LAMA2: variants seen among roughly 807,000 people sequenced by gnomAD.
LAMA2 encodes laminin subunit alpha-2.
In LAMA2, 269 loss-of-function variants were observed where a neutral mutation model predicts 364.8. That is an observed-to-expected ratio of 0.74 (90% CI 0.67 to 0.82). LAMA2 has a LOEUF of 0.82. Among genes scored for constraint, LAMA2 ranks in the 40% least tolerant of loss-of-function variants. The pLI, the probability that LAMA2 is intolerant of heterozygous loss-of-function variation, is 0.00. For missense variants in LAMA2, 3,807 were observed against 3,873.2 expected (o/e 0.98, Z 0.45); for synonymous variants, 1,379 against 1,370.6 (o/e 1.01, Z -0.14).
intron 1 of LAMA2, among the ~76,000 whole-genome samples, chr6:128,962,185 T>TATACATACACACACACAC (rs1214826895): frequency 1.9e-5 from 2 of 103,918 alleles, no homozygotes; most frequent in African/African-American, 7.4e-5. Context: ...TATATATATA[T>TATACATACACACACACAC]ACACACATAC....
intron 3 of LAMA2, among the ~76,000 whole-genome samples, chr6:129,089,842 C>T (rs529499600): frequency 6.6e-6 from 1 of 152,256 alleles, no homozygotes; most frequent in African/African-American, 2.4e-5. Flanking sequence ...TCTGCTCACT[C>T]GTGTTACTCG....
chr6:128,996,269 G>A (rs1234409062), intron 1 of LAMA2, among the ~76,000 whole-genome samples: 1 of 152,082 alleles, frequency 6.6e-6, no homozygotes, highest in East Asian at 1.9e-4. Context: ...TGGGGCAGAG[G>A]GAGGGAAATG....
In LAMA2 at chr6:129,440,956, G is replaced by A. The variant is rs767444868; in HGVS notation, c.6226G>A (p.Val2076Ile). ...KKNYNKLADSVAKTNAVVKDP... is the reference protein window; with the variant it reads ...KKNYNKLADSIAKTNAVVKDP... ...GAATTACAATAAACTAGCAGACAGC[G>A]TCGCCAAAACGAATGCTGTGGTTAA... Residue 2076 changes from valine (V) to isoleucine (I), a missense_variant, in exon 43 of 65, where the codon GTC (valine) becomes ATC (isoleucine). Val to Ile is a conservative substitution (Grantham distance 29). Transcript: ENST00000421865. 2.0e-5 allele frequency: 32 copies of A among 1,613,764 alleles called. No homozygotes were observed. In the East Asian group the frequency reaches 2.2e-4, roughly 11 times the overall value.
intron 34 of LAMA2, among the ~76,000 whole-genome samples, chr6:129,381,938 A>G (rs1178368392): frequency 6.6e-6 from 1 of 152,164 alleles, no homozygotes; most frequent in African/African-American, 2.4e-5. Context: ...AACTTTCATA[A>G]ATTAAACCTC....
rs538589718 is a variant in LAMA2, at chr6:129,252,556, A to G, written c.2096+261A>G. 2.4e-4 allele frequency among the ~76,000 whole-genome samples: 36 copies of G among 152,312 alleles called. No homozygotes were observed. The South Asian group carries it at 7.5e-3, about 32-fold the overall frequency. On this transcript the variant is annotated intron_variant, in intron 14 of 64. Transcript: ENST00000421865. The stretch of plus-strand genomic sequence containing the variant: ...GAACATGTGATCAATAACGATTCCT[A>G]TATTGAGAAATGTTATATTGGAAAA...
intron 3 of LAMA2, among the ~76,000 whole-genome samples, chr6:129,062,232 G>A (rs937872975): frequency 6.6e-6 from 1 of 152,096 alleles, no homozygotes; most frequent in African/African-American, 2.4e-5. Flanking sequence ...CAATAATCCT[G>A]AATAAACCAG....
chr6:129,256,383 G>A (rs1786661861), intron 14 of LAMA2, among the ~76,000 whole-genome samples: 1 of 152,104 alleles, frequency 6.6e-6, no homozygotes, highest in Non-Finnish European at 1.5e-5. Context: ...ATAGTAGACA[G>A]TAAGTAGTAA....
At chr6:129,134,119 G>A (rs1004232421) in intron 4 of LAMA2, among the ~76,000 whole-genome samples, 3 of 152,310 alleles carry the variant, frequency 2.0e-5, no homozygotes, top group Middle Eastern at 3.4e-3. Flanking sequence ...CCTTTGAGCT[G>A]CTGTTATCTG....
At chr6:128,911,180 C>A (rs564388991) in intron 1 of LAMA2, among the ~76,000 whole-genome samples, 2 of 151,966 alleles carry the variant, frequency 1.3e-5, no homozygotes, top group East Asian at 1.9e-4. Context: ...TCGAGCTTCC[C>A]GGCTGCTTTG....
chr6:129,014,843 A>G lies in LAMA2; in HGVS notation c.113-35075A>G, dbSNP rs150243286. Among the ~76,000 whole-genome samples the G allele has an allele frequency of 2.0e-3, 302 of 152,190 alleles. 3 individuals are homozygous for G. Among genetic ancestry groups the G allele is most frequent in the East Asian group, 0.015 (79 of 5,188 alleles). On this transcript the variant is annotated intron_variant, in intron 1 of 64. Transcript: ENST00000421865. Reference sequence around the variant, plus strand: ...AAGGATATAAAATCTAATAGAGTGGATAACATGATTATAATAAAGATATAA... The same window carrying G: ...AAGGATATAAAATCTAATAGAGTGGGTAACATGATTATAATAAAGATATAA...
intron 8 of LAMA2, among the ~76,000 whole-genome samples, chr6:129,160,791 TTTCTC>T (rs1370278692): frequency 6.6e-6 from 1 of 151,900 alleles, no homozygotes; most frequent in East Asian, 1.9e-4. Flanking sequence ...TAACTTCTAA[TTTCTC>T]TTGTGATTTA....
Position 129,177,817 on chromosome 6 carries a change from G to A in LAMA2, c.1418G>A (p.Gly473Glu), listed in dbSNP as rs1230234678. ...YPDCKACNCS[G>E]LGSKNEDPCF... is the part of the protein sequence containing the mutation. Reference sequence around the variant, plus strand: ...GACTGCAAAGCCTGTAACTGCAGTGGGTTAGGGAGCAAAAATGAGGATCCT... The same window carrying A: ...GACTGCAAAGCCTGTAACTGCAGTGAGTTAGGGAGCAAAAATGAGGATCCT... Residue 473 changes from glycine (G) to glutamate (E), a missense_variant, in exon 10 of 65, where the codon GGG becomes GAG. Physicochemically the swap from Gly to Glu is moderately conservative, Grantham distance 98 (BLOSUM62 -2). Transcript: ENST00000421865. 6.2e-7 allele frequency: 1 copy of A among 1,613,986 alleles called. No individual in the cohort carries two copies. The highest frequency in any genetic ancestry group is 1.3e-5 in the African/African-American group (1 of 75,056).
chr6:129,129,434 C>T (rs987291755), intron 4 of LAMA2, among the ~76,000 whole-genome samples: 4 of 152,168 alleles, frequency 2.6e-5, no homozygotes, highest in Admixed American at 2.0e-4. Flanking sequence ...TCTGTACATA[C>T]AGATTGTACA....
intron 40 of LAMA2, among the ~76,000 whole-genome samples, chr6:129,420,037 G>A (rs1164146237): frequency 6.6e-6 from 1 of 151,808 alleles, no homozygotes; most frequent in East Asian, 1.9e-4. Flanking sequence ...TAGAAAATAG[G>A]AAATACAGAA....
intron 62 of LAMA2, among the ~76,000 whole-genome samples, chr6:129,510,042 T>C (rs535077870): frequency 6.6e-6 from 1 of 152,120 alleles, no homozygotes; most frequent in East Asian, 1.9e-4. Context: ...TTTATTGTAC[T>C]TTCCTCTAAG....
chr6:129,076,451 T>A (rs1168659662), intron 3 of LAMA2, among the ~76,000 whole-genome samples: 1 of 141,962 alleles, frequency 7.0e-6, no homozygotes, highest in Non-Finnish European at 1.5e-5. Context: ...TATAATATAT[T>A]ATATATAATA....
At chr6:129,253,056 G>A (rs913836914) in intron 14 of LAMA2, among the ~76,000 whole-genome samples, 1 of 152,036 alleles carries the variant, frequency 6.6e-6, no homozygotes, top group Non-Finnish European at 1.5e-5. Flanking sequence ...TTAAAAGAGT[G>A]AACTACCTGA....
rs576517907 is a variant in LAMA2 at position 129,145,437 on chromosome 6, G to A, written c.819+1357G>A. On this transcript the variant is annotated intron_variant, in intron 5 of 64. Transcript: ENST00000421865. ...ATGCAAAACTAATCATTATTTTATA[G>A]CAATGTTTGGATTTTTCACTTGTTT... is the stretch of plus-strand genomic sequence containing the variant. Among the ~76,000 whole-genome samples the A allele has an allele frequency of 2.8e-3, 425 of 151,994 alleles. 2 individuals carry two copies. Among genetic ancestry groups the A allele is most frequent in the African/African-American group, 0.01 (417 of 41,482 alleles).
chr6:129,350,653 C>T (rs1480876017), intron 31 of LAMA2, among the ~76,000 whole-genome samples: 1 of 152,198 alleles, frequency 6.6e-6, no homozygotes, highest in Admixed American at 6.5e-5. Flanking sequence ...TTCACCCACT[C>T]CTTTGCTAGA....
Sources: gnomAD v4.1 joint callset for allele counts (sites outside exome capture counted in the v4.1 genomes callset) on GRCh38, gnomAD v4.1.1 for gene constraint, MANE v1.5 for transcripts, NCBI Gene and HGNC (gene_info 2026-07-23, HGNC 2026-07-21) for gene names.